PSD3: variants seen among roughly 807,000 people sequenced by gnomAD.
The protein encoded by PSD3 is PH and SEC7 domain-containing protein 3.
In PSD3, 49 loss-of-function variants were observed where a neutral mutation model predicts 105.5. That is an observed-to-expected ratio of 0.46 (90% CI 0.37 to 0.59). The LOEUF (loss-of-function observed/expected upper bound fraction) is 0.59. Ranked by LOEUF, PSD3 falls within the 20% of genes least tolerant of loss-of-function variation. PSD3 has a pLI of 0.00. For synonymous variants in PSD3, 557 were observed against 457.8 expected (o/e 1.22, Z -2.77); for missense variants, 1,561 against 1,263.8 (o/e 1.24, Z -3.57).
intron 4 of PSD3, among the ~76,000 whole-genome samples, chr8:18,834,731 G>T (rs949136477): frequency 6.6e-6 from 1 of 152,024 alleles, no homozygotes; most frequent in Non-Finnish European, 1.5e-5. Context: ...GAACAAAGAC[G>T]CCATGAAAAA....
intron 8 of PSD3, among the ~76,000 whole-genome samples, chr8:18,796,968 G>A (rs12549858): frequency 0.35 from 53,239 of 151,558 alleles, 9,558 homozygotes; most frequent in Admixed American, 0.4. Flanking sequence ...GGGCCATGCT[G>A]ACAAGTCAAA....
chr8:18,557,188 A>G (rs1450173852), intron 14 of PSD3, among the ~76,000 whole-genome samples: 1 of 152,236 alleles, frequency 6.6e-6, no homozygotes, highest in East Asian at 1.9e-4. Context: ...ATGACTCCTT[A>G]CTGTTCTAGT....
chr8:18,817,937 G>A (rs1160452782), intron 4 of PSD3, among the ~76,000 whole-genome samples: 1 of 152,140 alleles, frequency 6.6e-6, no homozygotes, highest in East Asian at 1.9e-4. Context: ...TAGATTATAT[G>A]CATTACGTTT....
At chr8:18,748,396 C>T (rs1482860825) in intron 9 of PSD3, among the ~76,000 whole-genome samples, 1 of 151,940 alleles carries the variant, frequency 6.6e-6, no homozygotes, top group Non-Finnish European at 1.5e-5. Flanking sequence ...CGCGATGGCT[C>T]ACACCTGTAA....
chr8:18,646,190 A>G (rs910660492), intron 10 of PSD3, among the ~76,000 whole-genome samples: 5 of 152,158 alleles, frequency 3.3e-5, no homozygotes, highest in African/African-American at 1.2e-4. Flanking sequence ...AGATGGCTAC[A>G]TTGAAGTTTA....
intron 9 of PSD3, among the ~76,000 whole-genome samples, chr8:18,658,591 T>C (rs566894281): frequency 1.4e-5 from 2 of 138,918 alleles, no homozygotes; most frequent in South Asian, 2.2e-4. Flanking sequence ...GGTGCAGTCA[T>C]AGCTCACTGC....
At chr8:18,843,517 T>C (rs1586198717) in intron 4 of PSD3, among the ~76,000 whole-genome samples, 1 of 152,168 alleles carries the variant, frequency 6.6e-6, no homozygotes. Context: ...CATGGAAAGA[T>C]ACTTCAGAGC....
chr8:18,559,204 A>G (rs755168561), intron 14 of PSD3, among the ~76,000 whole-genome samples: 21 of 152,226 alleles, frequency 1.4e-4, no homozygotes, highest in Admixed American at 3.9e-4. Flanking sequence ...ACTGTTTTCT[A>G]AAGTGTTTTT....
At chr8:18,701,584 T>C (rs1412646580) in intron 9 of PSD3, among the ~76,000 whole-genome samples, 1 of 152,240 alleles carries the variant, frequency 6.6e-6, no homozygotes, top group African/African-American at 2.4e-5. Flanking sequence ...AGTCTCATCA[T>C]TTAAGTGAAG....
intron 13 of PSD3, among the ~76,000 whole-genome samples, chr8:18,573,948 G>C (rs1175114286): frequency 6.6e-6 from 1 of 152,128 alleles, no homozygotes; most frequent in Non-Finnish European, 1.5e-5. Context: ...GGTACGTAAA[G>C]CATACCTCAA....
chr8:19,063,405 G>C (rs1276711292), intron 1 of PSD3, among the ~76,000 whole-genome samples: 1 of 152,134 alleles, frequency 6.6e-6, no homozygotes, highest in Non-Finnish European at 1.5e-5. Context: ...ACAGTTCTTT[G>C]GATATTTGTG....
chr8:18,727,077 C>T (rs1466295992), intron 9 of PSD3, among the ~76,000 whole-genome samples: 1 of 152,050 alleles, frequency 6.6e-6, no homozygotes, highest in East Asian at 1.9e-4. Flanking sequence ...GTGGCTCACG[C>T]CTGTAATCCC....
At chr8:18,580,549 CA>C (rs1288819342) in intron 12 of PSD3, among the ~76,000 whole-genome samples, 4 of 151,794 alleles carry the variant, frequency 2.6e-5, no homozygotes, top group Non-Finnish European at 5.9e-5. Flanking sequence ...GAATCTGTGT[CA>C]AAAAACAAAC....
intron 9 of PSD3, among the ~76,000 whole-genome samples, chr8:18,714,025 T>C (rs930687198): frequency 2.0e-5 from 3 of 152,160 alleles, no homozygotes; most frequent in Non-Finnish European, 4.4e-5. Flanking sequence ...AAGCAGGCAA[T>C]GGGGAAATGA....
chr8:18,707,568 A>C (rs1801978112), intron 9 of PSD3, among the ~76,000 whole-genome samples: 1 of 152,186 alleles, frequency 6.6e-6, no homozygotes, highest in Admixed American at 6.5e-5. Flanking sequence ...AAAGTGCAAG[A>C]CTATGAGATA....
chr8:19,040,146 A>G (rs7838501), intron 1 of PSD3, among the ~76,000 whole-genome samples: 11,255 of 152,258 alleles, frequency 0.074, 1,395 homozygotes, highest in African/African-American at 0.26. Context: ...ATTCCTCTCA[A>G]GAGCCAGGAC....
chr8:18,741,671 C>A (rs944062391), intron 9 of PSD3, among the ~76,000 whole-genome samples: 1 of 152,038 alleles, frequency 6.6e-6, no homozygotes, highest in African/African-American at 2.4e-5. Flanking sequence ...CAATCCTGTG[C>A]TAAGATTATC....
At chr8:19,061,981 A>G (rs1444180825) in intron 1 of PSD3, among the ~76,000 whole-genome samples, 1 of 152,174 alleles carries the variant, frequency 6.6e-6, no homozygotes, top group Non-Finnish European at 1.5e-5. Flanking sequence ...TATTACACCC[A>G]ATTGTACTGA....
chr8:18,979,437 T>C (rs549533807), intron 1 of PSD3, among the ~76,000 whole-genome samples: 1 of 152,358 alleles, frequency 6.6e-6, no homozygotes, highest in South Asian at 2.1e-4. Flanking sequence ...TTTGGATTAA[T>C]AGAATCAATA....
Sources: gnomAD v4.1 joint callset for allele counts (sites outside exome capture counted in the v4.1 genomes callset) on GRCh38, gnomAD v4.1.1 for gene constraint, MANE v1.5 for transcripts, NCBI Gene and HGNC (gene_info 2026-07-23, HGNC 2026-07-21) for gene names.